Variants in MYO16 observed in about 807,000 individuals in gnomAD.
The protein encoded by MYO16 is unconventional myosin-XVI.
MYO16 carries 94 observed loss-of-function variants against 205.3 expected under a neutral mutation model. The observed-to-expected ratio is 0.46, with a 90% CI of 0.39 to 0.54. The LOEUF (loss-of-function observed/expected upper bound fraction) is 0.54, where lower values mean the gene tolerates loss of function less well. Ranked by LOEUF, MYO16 falls within the 20% of genes least tolerant of loss-of-function variation. The pLI is 0.00. For missense variants in MYO16, 2,315 were observed against 2,387.5 expected, an observed-to-expected ratio of 0.97 and a Z score of 0.63; for synonymous variants, 988 against 954.0, an observed-to-expected ratio of 1.04 and a Z score of -0.66.
the MYO16 span, among the ~76,000 whole-genome samples, chr13:108,510,485 T>TTTTTTTTTTTTA: frequency 3.1e-5 from 3 of 96,472 alleles, no homozygotes; most frequent in Non-Finnish European, 4.3e-5. Context: ...TTTTTTTTTT[T>TTTTTTTTTTTTA]ATTGTACTTT....
intron 4 of MYO16, among the ~76,000 whole-genome samples, chr13:108,783,090 C>A (rs1594290465): frequency 6.6e-6 from 1 of 152,234 alleles, no homozygotes; most frequent in Non-Finnish European, 1.5e-5. Flanking sequence ...GGTAGGTCCA[C>A]TGACAGCTTG....
chr13:108,757,253 C>T (rs1566589715), intron 4 of MYO16, among the ~76,000 whole-genome samples: 1 of 152,128 alleles, frequency 6.6e-6, no homozygotes. Flanking sequence ...TTATTCACTT[C>T]TGAGCACATT....
At chr13:108,847,446 G>A (rs929219486) in intron 10 of MYO16, among the ~76,000 whole-genome samples, 6 of 152,186 alleles carry the variant, frequency 3.9e-5, no homozygotes, top group Non-Finnish European at 7.3e-5. Context: ...CCAGGGAAGA[G>A]CAGCGTGGTA....
chr13:108,714,650 T>C (rs1883871302), intron 3 of MYO16, among the ~76,000 whole-genome samples: 1 of 151,926 alleles, frequency 6.6e-6, no homozygotes, highest in Non-Finnish European at 1.5e-5. Flanking sequence ...TATGTTAATT[T>C]TTATATTTTT....
intron 16 of MYO16, among the ~76,000 whole-genome samples, chr13:108,918,591 G>A (rs1210859820): frequency 1.3e-5 from 2 of 152,176 alleles, no homozygotes; most frequent in African/African-American, 2.4e-5. Flanking sequence ...CAGCAGTCCT[G>A]GCCACTGACT....
At chr13:108,612,527 T>A (rs1879213714) in intron 1 of MYO16, among the ~76,000 whole-genome samples, 1 of 152,156 alleles carries the variant, frequency 6.6e-6, no homozygotes, top group South Asian at 2.1e-4. Flanking sequence ...ATTTAACATG[T>A]GCCAAGTACT....
At chr13:109,078,919 C>CT (rs997951385) in intron 27 of MYO16, among the ~76,000 whole-genome samples, 1 of 152,136 alleles carries the variant, frequency 6.6e-6, no homozygotes, top group Admixed American at 6.5e-5. Context: ...TCTGGTCGTC[C>CT]TTTTCTGGGA....
At chr13:109,153,928 G>A (rs757789557) in intron 32 of MYO16, among the ~76,000 whole-genome samples, 25 of 152,212 alleles carry the variant, frequency 1.6e-4, no homozygotes, top group South Asian at 1.0e-3. Flanking sequence ...TCTCTACTGC[G>A]TCCCAGTCAT....
chr13:108,901,360 G>A (rs559916365), intron 15 of MYO16, among the ~76,000 whole-genome samples: 2 of 152,132 alleles, frequency 1.3e-5, no homozygotes, highest in East Asian at 1.9e-4. Context: ...GACATGTGAT[G>A]TCTCCCCCAG....
chr13:108,849,859 C>T (rs1051970140), intron 10 of MYO16, among the ~76,000 whole-genome samples: 2 of 147,898 alleles, frequency 1.4e-5, no homozygotes, highest in Non-Finnish European at 3.0e-5. Context: ...CCTAGACTGC[C>T]TTCCTCCAAA....
intron 21 of MYO16, among the ~76,000 whole-genome samples, chr13:108,996,101 T>C (rs1884992790): frequency 6.6e-6 from 1 of 152,212 alleles, no homozygotes; most frequent in Non-Finnish European, 1.5e-5. Context: ...CAAAGGATTA[T>C]AAATCATGCT....
At chr13:108,601,551 T>TG (rs1412474554) in intron 1 of MYO16, among the ~76,000 whole-genome samples, 1 of 63,874 alleles carries the variant, frequency 1.6e-5, no homozygotes, top group East Asian at 4.6e-4. Flanking sequence ...AATATAGTAA[T>TG]TTTTTTCAAG....
chr13:108,613,983 C>G (rs9520952), intron 1 of MYO16, among the ~76,000 whole-genome samples: 1 of 152,010 alleles, frequency 6.6e-6, no homozygotes, highest in African/African-American at 2.4e-5. Context: ...CTAGCCAGGG[C>G]ACTTACATAA....
intron 21 of MYO16, among the ~76,000 whole-genome samples, chr13:109,001,053 A>G (rs1461909920): frequency 6.6e-6 from 1 of 152,008 alleles, no homozygotes; most frequent in Non-Finnish European, 1.5e-5. Flanking sequence ...GTCTTTATAC[A>G]TGTGAAGTAG....
chr13:108,698,505 A>G (rs1006878680), intron 2 of MYO16, among the ~76,000 whole-genome samples: 1 of 152,196 alleles, frequency 6.6e-6, no homozygotes, highest in African/African-American at 2.4e-5. Context: ...AGGCTATATG[A>G]GCACTAAGAC....
chr13:108,832,087 G>C (rs1876650666), intron 9 of MYO16, among the ~76,000 whole-genome samples: 1 of 151,030 alleles, frequency 6.6e-6, no homozygotes, highest in Non-Finnish European at 1.5e-5. Context: ...CAAAGATTTA[G>C]AAGTTGTGGA....
chr13:108,608,552 T>G (rs1879048174), intron 1 of MYO16, among the ~76,000 whole-genome samples: 1 of 152,180 alleles, frequency 6.6e-6, no homozygotes, highest in African/African-American at 2.4e-5. Context: ...GCTATATGTA[T>G]GTTAAACATA....
At chr13:109,180,932 A>C (rs936435056) in intron 34 of MYO16, among the ~76,000 whole-genome samples, 1 of 152,196 alleles carries the variant, frequency 6.6e-6, no homozygotes, top group Admixed American at 6.5e-5. Context: ...ACTCCTGTAC[A>C]TTACAACACA....
intron 6 of MYO16, among the ~76,000 whole-genome samples, chr13:108,805,222 G>A (rs1257851848): frequency 2.6e-5 from 4 of 152,140 alleles, no homozygotes; most frequent in Non-Finnish European, 5.9e-5. Flanking sequence ...TTTGGGGACT[G>A]TTTCCTAGAA....
Sources: allele counts gnomAD v4.1 joint callset (sites outside exome capture counted in the v4.1 genomes callset), GRCh38; gene constraint gnomAD v4.1.1; transcripts MANE v1.5; gene names NCBI Gene and HGNC (gene_info 2026-07-23, HGNC 2026-07-21).